The following CCSER2 variants were observed in gnomAD, a reference collection of about 807,000 sequenced individuals.
CCSER2 encodes the protein serine-rich coiled-coil domain-containing protein 2.
Under a neutral mutation model 92.3 loss-of-function variants are expected in CCSER2, and 46 were observed. The observed-to-expected ratio is 0.50, with a 90% confidence interval of 0.39 to 0.64. CCSER2 has a LOEUF of 0.64. Ranked by LOEUF, CCSER2 falls within the 30% of genes least tolerant of loss-of-function variation. The pLI is 0.00. For missense variants in CCSER2, 1,244 were observed against 1,238.9 expected, an observed-to-expected ratio of 1.00 and a Z score of -0.06; for synonymous variants, 433 against 431.4, an observed-to-expected ratio of 1.00 and a Z score of -0.04.
intron 5 of CCSER2, among the ~76,000 whole-genome samples, 167 bp from the exon 6 acceptor site, chr10:84,438,345 T>C (rs1461724346): frequency 6.6e-6 from 1 of 152,238 alleles, no homozygotes; most frequent in Non-Finnish European, 1.5e-5. Context: ...TACAGCTGAT[T>C]GCGCCTTTTG....
chr10:84,419,364 A>AAAATAAAAATAAAAAT (rs1554844932), intron 4 of CCSER2, among the ~76,000 whole-genome samples: 1 of 149,988 alleles, frequency 6.7e-6, no homozygotes, highest in African/African-American at 2.4e-5. Context: ...TCAAAAAAAA[A>AAAATAAAAATAAAAAT]AAAATAAAAT....
intron 9 of CCSER2, among the ~76,000 whole-genome samples, chr10:84,487,835 CT>C (rs1279135283): frequency 6.6e-6 from 1 of 152,212 alleles, no homozygotes; most frequent in Non-Finnish European, 1.5e-5. Flanking sequence ...AAAGGGAATG[CT>C]TCCAGTTTTT....
intron 9 of CCSER2, among the ~76,000 whole-genome samples, chr10:84,509,395 A>G (rs2131873498): frequency 6.6e-6 from 1 of 152,342 alleles, no homozygotes; most frequent in East Asian, 1.9e-4. Context: ...TGAATAAAGC[A>G]TGGTACATGC....
intron 9 of CCSER2, among the ~76,000 whole-genome samples, chr10:84,508,761 TTTA>T (rs1321175073): frequency 1.3e-5 from 2 of 152,190 alleles, no homozygotes; most frequent in East Asian, 3.8e-4. Context: ...CATATTCTAG[TTTA>T]TTATTATATT....
intron 1 of CCSER2, among the ~76,000 whole-genome samples, chr10:84,347,911 C>T (rs924818082): frequency 4.0e-5 from 6 of 151,820 alleles, no homozygotes; most frequent in African/African-American, 9.7e-5. Context: ...CGGGCAGAGA[C>T]GCTCCTCACT....
rs1845632126 is a variant in CCSER2, at chr10:84,363,688, C to T, written c.-39-7326C>T. 2.0e-5 allele frequency among the ~76,000 whole-genome samples: 3 copies of T among 152,306 alleles called. No individual in the cohort carries two copies. In the South Asian group the frequency reaches 6.2e-4, roughly 32 times the overall value. ...AGTGACAGCTCTTACTGTTCTTCTGCTAAATTTCTGTAATTAATATCTAGG... is the reference window on the plus strand; with the variant it reads ...AGTGACAGCTCTTACTGTTCTTCTGTTAAATTTCTGTAATTAATATCTAGG... On this transcript the variant is annotated intron_variant, in intron 1 of 9. Transcript: ENST00000372088.
Position 84,492,055 on chromosome 10 carries a change from G to A in CCSER2, c.2325+14391G>A, listed in dbSNP as rs538091277. The stretch of plus-strand genomic sequence containing the variant: ...AGCACTTTGAGAGGCTGAAGTGGGC[G>A]GATCACGAGGTCAGGAGATGGAGAC... On this transcript the variant is annotated intron_variant, in intron 9 of 9. Transcript: ENST00000372088. 9.5e-4 allele frequency among the ~76,000 whole-genome samples: 145 copies of A among 152,166 alleles called. 1 individual carries two copies. The highest frequency in any genetic ancestry group is 3.0e-3 in the African/African-American group (124 of 41,512).
At chr10:84,359,860 C>T (rs2133110639) in intron 1 of CCSER2, among the ~76,000 whole-genome samples, 1 of 151,856 alleles carries the variant, frequency 6.6e-6, no homozygotes, top group East Asian at 1.9e-4. Context: ...GTTGTCCAGG[C>T]TGGAGTGCAG....
chr10:84,437,048 AAT>A (rs1165546455), intron 5 of CCSER2, among the ~76,000 whole-genome samples: 2 of 151,976 alleles, frequency 1.3e-5, no homozygotes, highest in Non-Finnish European at 2.9e-5. Flanking sequence ...ATATTTTTTC[AAT>A]GTCTTATTTC....
At chr10:84,449,134 G>A (rs1490816239) in intron 6 of CCSER2, among the ~76,000 whole-genome samples, 5 of 152,178 alleles carry the variant, frequency 3.3e-5, no homozygotes, top group African/African-American at 1.2e-4. Context: ...CAGCAATTTG[G>A]GAGGCCGAGG....
chr10:84,401,711 A>C (rs960920249), intron 3 of CCSER2, among the ~76,000 whole-genome samples: 4 of 152,216 alleles, frequency 2.6e-5, no homozygotes, highest in Non-Finnish European at 5.9e-5. Flanking sequence ...CTCACACTAA[A>C]ACCAGACAAA....
At chr10:84,345,449 T>C (rs1362496382) in intron 1 of CCSER2, among the ~76,000 whole-genome samples, 1 of 152,244 alleles carries the variant, frequency 6.6e-6, no homozygotes, top group Non-Finnish European at 1.5e-5. Context: ...CTAATCATTT[T>C]GGATAAAGAT....
At chr10:84,372,684 C>G (rs2133175288) in intron 2 of CCSER2, among the ~76,000 whole-genome samples, 1 of 152,262 alleles carries the variant, frequency 6.6e-6, no homozygotes, top group Non-Finnish European at 1.5e-5. Flanking sequence ...TAAAACCACT[C>G]TTAACCTTTG....
Position 84,444,309 on chromosome 10 carries a change from TTACTG to T in CCSER2, c.2064+5605_2064+5609del, listed in dbSNP as rs991125594. Among the ~76,000 whole-genome samples the T allele has an allele frequency of 2.6e-5, 4 of 152,126 alleles. 1 individual carries two copies. Among genetic ancestry groups the T allele is most frequent in the Non-Finnish European group, 5.9e-5 (4 of 68,018 alleles). ...CCAAATTGTTATTTTTTTAAAAAAA[TTACTG>T]TAAGGGATATGTAGAAAATGAATAG... is the stretch of plus-strand genomic sequence containing the variant. On this transcript the variant is annotated intron_variant, in intron 6 of 9. Transcript: ENST00000372088.
Position 84,484,285 on chromosome 10 carries a change from A to G in CCSER2, c.2325+6621A>G, listed in dbSNP as rs190176129. 2.6e-3 allele frequency among the ~76,000 whole-genome samples: 398 copies of G among 150,828 alleles called. 2 individuals carry two copies. The highest frequency in any genetic ancestry group is 9.0e-3 in the African/African-American group (370 of 41,072). On this transcript the variant is annotated intron_variant, in intron 9 of 9. Transcript: ENST00000372088. The stretch of plus-strand genomic sequence containing the variant: ...GCCACCGCACCCAGCCCTAATTTCT[A>G]TATTTTTAGTAGAGATGGGGTTTCA...
rs975810749 is a variant in CCSER2 at position 84,518,222 on chromosome 10, A to C, written c.*3955A>C. 6.6e-6 allele frequency: 1 copy of C among 152,328 alleles called. No homozygotes were observed. The highest frequency in any genetic ancestry group is 1.5e-5 in the Non-Finnish European group (1 of 68,026). 9.4% of individuals were successfully genotyped at this position (152,328 alleles called of 1,614,324 possible). A position where few individuals can be genotyped will look rare whatever the true frequency, so the allele number is the denominator to read the frequency against. On this transcript the variant is annotated 3_prime_UTR_variant, in exon 10 of 10. Coordinates refer to ENST00000372088, the MANE Select transcript of CCSER2 (RefSeq NM_001284240.2). The stretch of plus-strand genomic sequence containing the variant: ...TGATGGTGGGCACCAATCTACAACT[A>C]TGTCATTAACTGAAGATACATGTTT...
chr10:84,469,890 C>T (rs11597721), intron 7 of CCSER2, among the ~76,000 whole-genome samples: 19,250 of 151,976 alleles, frequency 0.13, 1,496 homozygotes, highest in Admixed American at 0.23. Context: ...TGTAAACCAG[C>T]CATGAAATGC....
intron 7 of CCSER2, among the ~76,000 whole-genome samples, chr10:84,465,271 GTGTGTGT>G: frequency 8.5e-6 from 1 of 117,126 alleles, no homozygotes; most frequent in South Asian, 2.4e-4. Flanking sequence ...GTGTGTGTGT[GTGTGTGT>G]GTGTGTGTGT....
chr10:84,359,476 C>T (rs1440125587), intron 1 of CCSER2, among the ~76,000 whole-genome samples: 1 of 152,146 alleles, frequency 6.6e-6, no homozygotes, highest in African/African-American at 2.4e-5. Flanking sequence ...TCTCTGGGCT[C>T]TACAGAATTG....
Sources: gnomAD v4.1 joint callset for allele counts (sites outside exome capture counted in the v4.1 genomes callset) on GRCh38, gnomAD v4.1.1 for gene constraint, MANE v1.5 for transcripts, NCBI Gene and HGNC (gene_info 2026-07-23, HGNC 2026-07-21) for gene names.